GPR149: variants seen among roughly 807,000 people sequenced by gnomAD.
GPR149 encodes the protein probable G protein-coupled receptor 149.
A neutral mutation model predicts 50.2 loss-of-function variants in GPR149; 50 were observed. The observed-to-expected ratio is 1.00, with a 90% confidence interval of 0.79 to 1.26. The LOEUF (loss-of-function observed/expected upper bound fraction) is 1.26. Ranked by LOEUF, GPR149 falls within the 50% of genes most tolerant of loss-of-function variation. The pLI is 0.00. For synonymous variants in GPR149, 405 were observed against 358.2 expected (o/e 1.13, Z -1.48); for missense variants, 983 against 895.4 (o/e 1.10, Z -1.25).
At chr3:154,379,843 T>C (rs1486530333) in intron 3 of GPR149, among the ~76,000 whole-genome samples, 3 of 152,146 alleles carry the variant, frequency 2.0e-5, no homozygotes, top group East Asian at 1.9e-4. Context: ...TGTGTCTTTA[T>C]AGCGAGTTTT....
chr3:154,373,245 G>A (rs1376065854), intron 3 of GPR149, among the ~76,000 whole-genome samples: 2 of 152,128 alleles, frequency 1.3e-5, no homozygotes, highest in African/African-American at 4.8e-5. Flanking sequence ...GTCAAGGATG[G>A]AGTAGAACAG....
chr3:154,356,736 T>C lies in GPR149; in HGVS notation c.1624-18465A>G, dbSNP rs1021252931. Among the ~76,000 whole-genome samples the C allele has an allele frequency of 1.4e-4, 22 of 152,040 alleles. No individual in the cohort carries two copies. In the East Asian group the frequency reaches 2.9e-3, roughly 20 times the overall value. On this transcript the variant is annotated intron_variant, in intron 3 of 3. Coordinates refer to ENST00000389740, the MANE Select transcript of GPR149 (RefSeq NM_001038705.3). ...GCTCATGGGTAGGAAGAATCAATATTGTGAAAATGGCCATACTGCCCAAGG... is the reference window on the plus strand; with the variant it reads ...GCTCATGGGTAGGAAGAATCAATATCGTGAAAATGGCCATACTGCCCAAGG...
At chr3:154,340,316 T>C (rs1410956225) in intron 3 of GPR149, among the ~76,000 whole-genome samples, 3 of 152,206 alleles carry the variant, frequency 2.0e-5, no homozygotes, top group African/African-American at 7.2e-5. Context: ...GGCAAAGAAC[T>C]TCATTGACTC....
chr3:154,365,910 A>G (rs965152220), intron 3 of GPR149, among the ~76,000 whole-genome samples: 1 of 152,120 alleles, frequency 6.6e-6, no homozygotes, highest in African/African-American at 2.4e-5. Context: ...CTCTTCTGAG[A>G]CCTCACCAGA....
chr3:154,399,914 A>G (rs1711509492), intron 3 of GPR149, among the ~76,000 whole-genome samples: 2 of 152,164 alleles, frequency 1.3e-5, no homozygotes, highest in East Asian at 3.8e-4. Context: ...ATACATGCAT[A>G]TCTGGAGGTT....
chr3:154,357,057 A>G (rs1576903693), intron 3 of GPR149, among the ~76,000 whole-genome samples: 1 of 152,350 alleles, frequency 6.6e-6, no homozygotes, highest in Non-Finnish European at 1.5e-5. Context: ...TCTTTGACAA[A>G]TCTGACAAAA....
chr3:154,406,662 G>A (rs1354341653), intron 3 of GPR149, among the ~76,000 whole-genome samples: 1 of 152,142 alleles, frequency 6.6e-6, no homozygotes, highest in Non-Finnish European at 1.5e-5. Context: ...TGTAAGAAAA[G>A]AGGGGATATA....
chr3:154,380,391 A>T (rs940772322), intron 3 of GPR149, among the ~76,000 whole-genome samples: 3 of 152,202 alleles, frequency 2.0e-5, no homozygotes, highest in African/African-American at 7.2e-5. Flanking sequence ...ATTGATGTCC[A>T]TCTCTCCTAA....
chr3:154,366,598 C>T (rs1292310880), intron 3 of GPR149, among the ~76,000 whole-genome samples: 1 of 152,152 alleles, frequency 6.6e-6, no homozygotes, highest in African/African-American at 2.4e-5. Context: ...TCCACAACTC[C>T]CCTTATGTTA....
chr3:154,420,404 A>C (rs1712105401), intron 3 of GPR149, among the ~76,000 whole-genome samples: 1 of 152,004 alleles, frequency 6.6e-6, no homozygotes, highest in African/African-American at 2.4e-5. Context: ...AAGGATGAGA[A>C]ATTCATGTGC....
chr3:154,340,697 T>C (rs1713770701), intron 3 of GPR149, among the ~76,000 whole-genome samples: 1 of 152,176 alleles, frequency 6.6e-6, no homozygotes, highest in Non-Finnish European at 1.5e-5. Flanking sequence ...GTGAAATTGA[T>C]CTTAAAAATC....
chr3:154,360,865 T>C (rs968714689), intron 3 of GPR149, among the ~76,000 whole-genome samples: 4 of 152,146 alleles, frequency 2.6e-5, no homozygotes, highest in Non-Finnish European at 4.4e-5. Flanking sequence ...TAAGCTATTT[T>C]TATTAAAAAC....
intron 3 of GPR149, among the ~76,000 whole-genome samples, chr3:154,393,445 A>G (rs1715215391): frequency 6.6e-6 from 1 of 152,096 alleles, no homozygotes; most frequent in Non-Finnish European, 1.5e-5. Context: ...GAAAAGCCAT[A>G]CATGAGATTA....
intron 3 of GPR149, among the ~76,000 whole-genome samples, chr3:154,397,524 T>G (rs1478927865): frequency 6.6e-6 from 1 of 152,154 alleles, no homozygotes; most frequent in African/African-American, 2.4e-5. Flanking sequence ...CAATAAATAC[T>G]CAAAACTCAT....
At chr3:154,407,345 C>T (rs1297802062) in intron 3 of GPR149, among the ~76,000 whole-genome samples, 4 of 152,102 alleles carry the variant, frequency 2.6e-5, no homozygotes, top group African/African-American at 9.7e-5. Context: ...AATGTTTTGA[C>T]TGTAACCTGT....
chr3:154,372,970 G>A (rs1169443802), intron 3 of GPR149, among the ~76,000 whole-genome samples: 1 of 152,064 alleles, frequency 6.6e-6, no homozygotes, highest in Non-Finnish European at 1.5e-5. Flanking sequence ...GAAATTGGAT[G>A]TCCAATTTTA....
intron 2 of GPR149, among the ~76,000 whole-genome samples, chr3:154,424,008 G>A (rs1712227533): frequency 6.6e-6 from 1 of 151,810 alleles, no homozygotes; most frequent in South Asian, 2.1e-4. Flanking sequence ...AAAGGCAAAT[G>A]GGAAAGTTCT....
Position 154,428,740 on chromosome 3 carries a change from G to A in GPR149, c.876C>T (p.Asn292=), listed in dbSNP as rs752957163. The change falls in exon 1 of 4, where the codon AAC becomes AAT. Residue 292 remains asparagine, a synonymous_variant. Coordinates refer to ENST00000389740, the MANE Select transcript of GPR149 (RefSeq NM_001038705.3). ...AAGAEACRRE[N]RGTLYGTRSF... The stretch of plus-strand genomic sequence containing the variant: ...TCCTGGTGCCATAGAGAGTCCCCCG[G>A]TTCTCACGCCTGCAGGCTTCAGCCC... The A allele has an allele frequency of 2.5e-6, 4 of 1,614,074 alleles. No homozygotes were observed. The highest frequency in any genetic ancestry group is 2.2e-5 in the East Asian group (1 of 44,854).
chr3:154,345,396 A>G (rs1713903343), intron 3 of GPR149, among the ~76,000 whole-genome samples: 1 of 152,248 alleles, frequency 6.6e-6, no homozygotes, highest in Non-Finnish European at 1.5e-5. Context: ...ATGACAAAGA[A>G]TGATACATTC....
Sources: gnomAD v4.1 joint callset for allele counts (sites outside exome capture counted in the v4.1 genomes callset) on GRCh38, gnomAD v4.1.1 for gene constraint, MANE v1.5 for transcripts, NCBI Gene and HGNC (gene_info 2026-07-23, HGNC 2026-07-21) for gene names.